ARSJ: variants seen among roughly 807,000 people sequenced by gnomAD.
ARSJ encodes arylsulfatase J.
ARSJ carries 26 observed loss-of-function variants against 35.9 expected under a neutral mutation model. The observed-to-expected ratio is 0.72, with a 90% confidence interval of 0.53 to 1.00. The LOEUF (loss-of-function observed/expected upper bound fraction) is 1.00, where lower values mean the gene tolerates loss of function less well. Ranked by LOEUF, ARSJ falls within the 50% of genes least tolerant of loss-of-function variation. ARSJ has a pLI of 0.00. For synonymous variants in ARSJ, 294 were observed against 267.6 expected (o/e 1.10, Z -0.96); for missense variants, 667 against 723.6 (o/e 0.92, Z 0.90).
intron 1 of ARSJ, among the ~76,000 whole-genome samples, chr4:113,939,228 A>G (rs1453074368): frequency 6.9e-6 from 1 of 144,130 alleles, no homozygotes; most frequent in African/African-American, 2.6e-5. Context: ...ATGTCCCTAC[A>G]AAGGACATGA....
Position 113,901,498 on chromosome 4 carries a change from CTT to C in ARSJ, c.*774_*775del, listed in dbSNP as rs2099667035. 1.3e-5 allele frequency: 2 copies of C among 152,336 alleles called. No homozygotes were observed. Among genetic ancestry groups the C allele is most frequent in the East Asian group, 3.8e-4 (2 of 5,198 alleles). 9.4% of individuals were successfully genotyped at this position (152,336 alleles called of 1,614,324 possible). ...AAATAAAATAAAGTCATTTGCATAA[CTT>C]TTTATAAAAACAACAAAATATTTTT... On this transcript the variant is annotated 3_prime_UTR_variant, in exon 2 of 2. Coordinates refer to ENST00000315366, the MANE Select transcript of ARSJ (RefSeq NM_024590.4).
intron 1 of ARSJ, among the ~76,000 whole-genome samples, chr4:113,971,352 C>T (rs1366562651): frequency 1.3e-5 from 2 of 152,178 alleles, no homozygotes; most frequent in African/African-American, 4.8e-5. Context: ...GCCTTCTGCG[C>T]CTGGATAATT....
intron 1 of ARSJ, among the ~76,000 whole-genome samples, chr4:113,958,487 C>G (rs943109960): frequency 6.6e-6 from 1 of 152,034 alleles, no homozygotes; most frequent in African/African-American, 2.4e-5. Flanking sequence ...TCTATTTGCA[C>G]TATGTTCTCC....
At chr4:113,916,900 A>AC (rs1723341888) in intron 1 of ARSJ, among the ~76,000 whole-genome samples, 1 of 152,186 alleles carries the variant, frequency 6.6e-6, no homozygotes, top group Non-Finnish European at 1.5e-5. Context: ...GGAACAGAAA[A>AC]TTTTGTAACA....
At chr4:113,937,089 A>G (rs1724810765) in intron 1 of ARSJ, among the ~76,000 whole-genome samples, 1 of 151,956 alleles carries the variant, frequency 6.6e-6, no homozygotes, top group Non-Finnish European at 1.5e-5. Context: ...TCAATAAGTA[A>G]TATTCACTGA....
chr4:113,972,349 A>C (rs147875962), intron 1 of ARSJ, among the ~76,000 whole-genome samples: 1 of 148,760 alleles, frequency 6.7e-6, no homozygotes, highest in Admixed American at 6.7e-5. Flanking sequence ...CTATTTATTT[A>C]AGTCTTTACC....
At chr4:113,924,186 T>G (rs1053124809) in intron 1 of ARSJ, among the ~76,000 whole-genome samples, 1 of 149,800 alleles carries the variant, frequency 6.7e-6, no homozygotes, top group Non-Finnish European at 1.5e-5. Flanking sequence ...GTCTGCGAGC[T>G]GAAGAGCAAG....
chr4:113,958,998 C>A (rs1726373242), intron 1 of ARSJ, among the ~76,000 whole-genome samples: 2 of 151,980 alleles, frequency 1.3e-5, no homozygotes, highest in Non-Finnish European at 2.9e-5. Flanking sequence ...TCTTCAGAAT[C>A]AAACCATTTG....
Position 113,902,287 on chromosome 4 carries a change from A to AC in ARSJ, c.1786dup (p.Val596GlyfsTer16), listed in dbSNP as rs775667720. 15 of 1,610,886 alleles carry AC rather than the reference A, an allele frequency of 9.3e-6. 1 individual carries two copies. In the South Asian group the frequency reaches 1.6e-4, roughly 18 times the overall value. On this transcript the variant is annotated frameshift_variant, in exon 2 of 2. Coordinates refer to ENST00000315366, the MANE Select transcript of ARSJ (RefSeq NM_024590.4). LOFTEE classifies it high-confidence loss of function. Reference sequence around the variant, plus strand: ...AAATATTTGTGCTTATCCACAAGTAACACCTGAATGGCAAGTTGAACCTGA... The same window carrying AC: ...AAATATTTGTGCTTATCCACAAGTAACCACCTGAATGGCAAGTTGAACCTGA...
intron 1 of ARSJ, among the ~76,000 whole-genome samples, chr4:113,904,661 A>AT (rs1011409602): frequency 2.0e-5 from 3 of 151,890 alleles, no homozygotes; most frequent in Non-Finnish European, 2.9e-5. Flanking sequence ...ATTTTTTTGT[A>AT]TTTTTTTAAA....
At chr4:113,937,727 C>T (rs947632318) in intron 1 of ARSJ, among the ~76,000 whole-genome samples, 17 of 152,040 alleles carry the variant, frequency 1.1e-4, no homozygotes, top group Non-Finnish European at 2.2e-4. Context: ...AAATCACAGG[C>T]ATTCCTATAC....
At chr4:113,918,819 G>A (rs1263194957) in intron 1 of ARSJ, among the ~76,000 whole-genome samples, 1 of 151,982 alleles carries the variant, frequency 6.6e-6, no homozygotes, top group Admixed American at 6.6e-5. Flanking sequence ...TTGAGACAGG[G>A]TCTCATTCTG....
At chr4:113,973,565 A>G (rs904757184) in intron 1 of ARSJ, among the ~76,000 whole-genome samples, 1 of 152,158 alleles carries the variant, frequency 6.6e-6, no homozygotes, top group East Asian at 1.9e-4. Flanking sequence ...AAAATTTATG[A>G]CCACAAATCT....
chr4:113,978,042 A>T (rs941497398), intron 1 of ARSJ, among the ~76,000 whole-genome samples: 2 of 152,200 alleles, frequency 1.3e-5, no homozygotes, highest in South Asian at 2.1e-4. Context: ...AGTAAAAAAA[A>T]TTTTTGATCT....
At chr4:113,955,330 T>C (rs996622070) in intron 1 of ARSJ, among the ~76,000 whole-genome samples, 1 of 152,018 alleles carries the variant, frequency 6.6e-6, no homozygotes, top group Non-Finnish European at 1.5e-5. Flanking sequence ...AATGAACAGA[T>C]TGGTTATTAT....
intron 1 of ARSJ, among the ~76,000 whole-genome samples, chr4:113,948,721 T>C (rs1161558105): frequency 6.6e-6 from 1 of 152,106 alleles, no homozygotes; most frequent in Non-Finnish European, 1.5e-5. Context: ...CTAACAATTA[T>C]ATTAGTGCAG....
Position 113,978,552 on chromosome 4 carries a change from C to T in ARSJ, c.283G>A (p.Gly95Arg). 2.5e-6 allele frequency: 4 copies of T among 1,614,220 alleles called. No homozygotes were observed. The highest frequency in any genetic ancestry group is 1.1e-5 in the South Asian group (1 of 91,092). Residue 95 changes from glycine (G) to arginine (R), a missense_variant, in exon 1 of 2, where the codon GGA becomes AGA. By Grantham distance (125) the Gly-to-Arg change is moderately radical (BLOSUM62 -2). Transcript: ENST00000315366. ...DQGFRDVGYH[G>R]SEIKTPTLDK... is the part of the protein sequence containing the mutation. Reference sequence around the variant, plus strand: ...AGAGTAGGTGTTTTAATCTCAGATCCGTGGTAACCCACATCTCTAAATCCC... The same window carrying T: ...AGAGTAGGTGTTTTAATCTCAGATCTGTGGTAACCCACATCTCTAAATCCC...
chr4:113,933,780 G>A (rs1177207220), intron 1 of ARSJ, among the ~76,000 whole-genome samples: 1 of 151,746 alleles, frequency 6.6e-6, no homozygotes, highest in Non-Finnish European at 1.5e-5. Context: ...ATACTGAACA[G>A]GGAAAAATTA....
intron 1 of ARSJ, among the ~76,000 whole-genome samples, chr4:113,918,115 C>T (rs1723434567): frequency 6.6e-6 from 1 of 152,162 alleles, no homozygotes; most frequent in Non-Finnish European, 1.5e-5. Context: ...TTGGTCAACT[C>T]TTGATGCAGT....
Sources: gnomAD v4.1 joint callset for allele counts (sites outside exome capture counted in the v4.1 genomes callset) on GRCh38, gnomAD v4.1.1 for gene constraint, MANE v1.5 for transcripts, NCBI Gene and HGNC (gene_info 2026-07-23, HGNC 2026-07-21) for gene names.